CNGB3: variants seen among roughly 807,000 people sequenced by gnomAD.
CNGB3 encodes the protein cyclic nucleotide gated channel subunit beta 3, also known as cyclic nucleotide-gated channel beta-3.
CNGB3 carries 86 observed loss-of-function variants against 92.8 expected under a neutral mutation model. The ratio of observed to expected loss-of-function variants is 0.93; its 90% CI spans 0.78 to 1.11. CNGB3 has a LOEUF of 1.11. Among genes scored for constraint, CNGB3 ranks in the 50% least tolerant of loss-of-function variants. CNGB3 has a pLI of 0.00. For synonymous variants in CNGB3, 333 were observed against 332.7 expected (o/e 1.00, Z -0.01); for missense variants, 1,026 against 956.8 (o/e 1.07, Z -0.95).
intron 3 of CNGB3, among the ~76,000 whole-genome samples, chr8:86,681,346 T>A (rs560255288): frequency 6.6e-6 from 1 of 152,132 alleles, no homozygotes; most frequent in African/African-American, 2.4e-5. Flanking sequence ...AACTGCCGAA[T>A]GAACACAACA....
At chr8:86,714,020 T>A (rs1000463201) in intron 3 of CNGB3, among the ~76,000 whole-genome samples, 2 of 152,124 alleles carry the variant, frequency 1.3e-5, no homozygotes, top group Non-Finnish European at 2.9e-5. Context: ...CATTGACACA[T>A]CATTATCACC....
At chr8:86,692,147 T>C (rs777015627) in intron 3 of CNGB3, among the ~76,000 whole-genome samples, 2 of 152,230 alleles carry the variant, frequency 1.3e-5, no homozygotes, top group Non-Finnish European at 2.9e-5. Flanking sequence ...TATTCTGTCA[T>C]GTGGTCAATC....
chr8:86,660,645 GC>G, intron 6 of CNGB3: 1 of 533,450 alleles, frequency 1.9e-6, no homozygotes, highest in South Asian at 1.4e-5. Flanking sequence ...GCATTTATTT[GC>G]ATAATGACCA....
At chr8:86,663,053 C>A (rs1313000298) in intron 6 of CNGB3, among the ~76,000 whole-genome samples, 1 of 152,036 alleles carries the variant, frequency 6.6e-6, no homozygotes, top group East Asian at 1.9e-4. Flanking sequence ...TCATAATTAG[C>A]CTAATCGATA....
chr8:86,650,639 C>T lies in CNGB3; in HGVS notation c.904-2752G>A, dbSNP rs1823383826. Among the ~76,000 whole-genome samples the T allele has an allele frequency of 2.6e-5, 4 of 151,380 alleles. No homozygotes were observed. The South Asian group carries it at 8.3e-4, about 31-fold the overall frequency. ...GATGCCACCTTATTCCTGAAAGTGG[C>T]CATATTAAAAAGCCAAAAAACAATA... On this transcript the variant is annotated intron_variant, in intron 7 of 17. Transcript: ENST00000320005.
chr8:86,734,143 C>T (rs907170460), intron 2 of CNGB3, among the ~76,000 whole-genome samples: 1 of 152,144 alleles, frequency 6.6e-6, no homozygotes, highest in Non-Finnish European at 1.5e-5. Context: ...CAGGCATGAA[C>T]CACCGTGCCT....
In CNGB3 at chr8:86,668,122, T is replaced by G; in HGVS notation, c.540A>C (p.Pro180=). ...VPPVKESDDK[P]TEHYYRLLWF... ...ACAACAGCCTGTAGTAATGTTCTGT[T>G]GGCTTATCATCGCTTTCTTTTACTG... Residue 180 remains proline (P), a synonymous_variant, in exon 5 of 18, where the codon CCA becomes CCC. Coordinates refer to ENST00000320005, the MANE Select transcript of CNGB3 (RefSeq NM_019098.5). 6.2e-7 allele frequency: 1 copy of G among 1,614,068 alleles called. No individual in the cohort carries two copies. The highest frequency in any genetic ancestry group is 1.1e-5 in the South Asian group (1 of 91,060).
intron 6 of CNGB3, chr8:86,661,885 C>T (rs1233542698): frequency 3.3e-6 from 3 of 918,108 alleles, no homozygotes; most frequent in Non-Finnish European, 5.4e-6. Context: ...TCACAGTCCA[C>T]AAACCATATT....
intron 15 of CNGB3, among the ~76,000 whole-genome samples, chr8:86,591,324 CCTT>C (rs1216482688): frequency 4.9e-5 from 2 of 40,578 alleles, no homozygotes. Context: ...TCGTCTGAAG[CCTT>C]CTTCTCTCAG....
rs1156699979 is a variant in CNGB3 at position 86,590,904 on chromosome 8, A to T, written c.1782-11652T>A. ...GTTGGCCTGCCTTGCTAGATTGGGG[A>T]AATTCTCCTGGATAATATCCTGCAG... On this transcript the variant is annotated intron_variant, in intron 15 of 17. Coordinates refer to ENST00000320005, the MANE Select transcript of CNGB3 (RefSeq NM_019098.5). Among the ~76,000 whole-genome samples, 59 of 151,494 alleles carry T rather than the reference A, an allele frequency of 3.9e-4. 2 individuals carry two copies. In the South Asian group the frequency reaches 0.012, roughly 31 times the overall value.
intron 6 of CNGB3, among the ~76,000 whole-genome samples, chr8:86,657,034 C>T (rs1022554076): frequency 2.0e-5 from 3 of 152,152 alleles, no homozygotes; most frequent in African/African-American, 7.2e-5. Flanking sequence ...CTACATTTAG[C>T]CCCATTGTCC....
At chr8:86,630,518 A>G (rs1410886715) in intron 11 of CNGB3, among the ~76,000 whole-genome samples, 1 of 152,174 alleles carries the variant, frequency 6.6e-6, no homozygotes, top group Non-Finnish European at 1.5e-5. Context: ...GTATGAGAGG[A>G]AGAAAAATGT....
intron 14 of CNGB3, among the ~76,000 whole-genome samples, chr8:86,606,508 A>G (rs954019239): frequency 1.3e-5 from 2 of 152,216 alleles, no homozygotes; most frequent in East Asian, 1.9e-4. Context: ...AGAAATTCCA[A>G]TATAGATGGA....
intron 3 of CNGB3, among the ~76,000 whole-genome samples, chr8:86,676,356 C>A (rs1007930995): frequency 6.6e-6 from 1 of 152,000 alleles, no homozygotes; most frequent in African/African-American, 2.4e-5. Flanking sequence ...GTATTCAAGG[C>A]AAAGGAAACA....
Position 86,670,734 on chromosome 8 carries a change from C to T in CNGB3, c.493+210G>A, listed in dbSNP as rs148121914. On this transcript the variant is annotated intron_variant, in intron 4 of 17. Coordinates refer to ENST00000320005, the MANE Select transcript of CNGB3 (RefSeq NM_019098.5). The stretch of plus-strand genomic sequence containing the variant: ...CTGCCAGGTGTGAGCCACTGCACCC[C>T]GCCAGTAATCCTCTTATTAACCCAT... Among the ~76,000 whole-genome samples, 646 of 152,138 alleles carry T rather than the reference C, an allele frequency of 4.2e-3. 4 individuals are homozygous for T. The highest frequency in any genetic ancestry group is 0.014 in the African/African-American group (590 of 41,486).
At chr8:86,670,276 A>G (rs1434480165) in intron 4 of CNGB3, among the ~76,000 whole-genome samples, 1 of 152,188 alleles carries the variant, frequency 6.6e-6, no homozygotes, top group Non-Finnish European at 1.5e-5. Flanking sequence ...GTGTTTTTAT[A>G]ATATGTACTT....
intron 2 of CNGB3, among the ~76,000 whole-genome samples, chr8:86,729,941 A>G (rs1028153856): frequency 6.6e-6 from 1 of 152,232 alleles, no homozygotes; most frequent in African/African-American, 2.4e-5. Flanking sequence ...TGCACATTGT[A>G]TAGCAATTGC....
At chr8:86,619,530 C>T (rs1038932657) in intron 13 of CNGB3, among the ~76,000 whole-genome samples, 3 of 152,040 alleles carry the variant, frequency 2.0e-5, no homozygotes, top group African/African-American at 7.2e-5. Flanking sequence ...TAATTAACCA[C>T]AATTTATTGA....
rs777544479 is a variant in CNGB3, at chr8:86,743,606, CTT to C, written c.20_21del (p.Lys7SerfsTer12). The C allele has an allele frequency of 6.2e-7, 1 of 1,613,976 alleles. No homozygotes were observed. The highest frequency in any genetic ancestry group is 8.5e-7 in the Non-Finnish European group (1 of 1,179,888). MFKSLT[K>X]VNKVKPIGEN... ...TCTCCTATAGGCTTCACCTTGTTGA[CTT>C]TTGTCAGCGATTTAAACATCTTCTC... On this transcript the variant is annotated frameshift_variant, in exon 1 of 18. Coordinates refer to ENST00000320005, the MANE Select transcript of CNGB3 (RefSeq NM_019098.5). LOFTEE classifies it high-confidence loss of function.
Sources: allele counts gnomAD v4.1 joint callset (sites outside exome capture counted in the v4.1 genomes callset), GRCh38; gene constraint gnomAD v4.1.1; transcripts MANE v1.5; gene names NCBI Gene and HGNC (gene_info 2026-07-23, HGNC 2026-07-21).